The following KCNV2 variants were observed in gnomAD, a reference collection of about 807,000 sequenced individuals.
The protein encoded by KCNV2 is potassium voltage-gated channel subfamily V member 2.
A neutral mutation model predicts 37.0 loss-of-function variants in KCNV2; 65 were observed. The observed-to-expected ratio is 1.76, with a 90% CI of 1.44 to 2.16. The LOEUF (loss-of-function observed/expected upper bound fraction) is 2.16. KCNV2 is among the 30% of genes most tolerant of loss of function. The probability of loss-of-function intolerance (pLI) is 0.00; values close to 1 mark genes in which losing one functional copy is unlikely to be tolerated. For synonymous variants in KCNV2, 518 were observed against 328.6 expected (o/e 1.58, Z -6.23); for missense variants, 1,232 against 766.7 (o/e 1.61, Z -7.17).
At chr9:2,721,599 G>A (rs571793641) in intron 1 of KCNV2, among the ~76,000 whole-genome samples, 7 of 152,306 alleles carry the variant, frequency 4.6e-5, no homozygotes, top group African/African-American at 1.7e-4. Context: ...TGAACAGTAA[G>A]TTTTTGAGCA....
In KCNV2 at chr9:2,718,702, A is replaced by G. The variant is rs2130861520; in HGVS notation, c.963A>G (p.Leu321=). The G allele has an allele frequency of 6.2e-7, 1 of 1,613,180 alleles. No homozygotes were observed. The change falls in exon 1 of 2, where the codon CTA becomes CTG. Residue 321 remains leucine (L), a synonymous_variant. Transcript: ENST00000382082. ...TCACGCTCGAGTACCTGCTGCGCCT[A>G]GCCTCCACGCCCGACCTGAGGCGCT... is the stretch of plus-strand genomic sequence containing the variant. The part of the protein sequence containing the change: ...GFFTLEYLLR[L]ASTPDLRRFA...
chr9:2,717,782 C>A lies in KCNV2; in HGVS notation c.43C>A (p.Pro15Thr). Reference sequence around the variant, plus strand: ...GAGGAGACGGTCCTGGAGCTACAGGCCCTGGAACACGACGGAGAATGAGGG... The same window carrying A: ...GAGGAGACGGTCCTGGAGCTACAGGACCTGGAACACGACGGAGAATGAGGG... ...SERRRSWSYR[P>T]WNTTENEGSQ... Residue 15 changes from proline to threonine, a missense_variant, in exon 1 of 2, where the codon CCC becomes ACC. Pro to Thr is a conservative substitution (Grantham distance 38). Coordinates refer to ENST00000382082, the MANE Select transcript of KCNV2 (RefSeq NM_133497.4). 1 of 1,614,216 alleles carries A rather than the reference C, an allele frequency of 6.2e-7. No individual in the cohort carries two copies. Among genetic ancestry groups the A allele is most frequent in the South Asian group, 1.1e-5 (1 of 91,082 alleles).
intron 1 of KCNV2, among the ~76,000 whole-genome samples, chr9:2,722,236 T>C (rs1483718887): frequency 2.1e-5 from 3 of 142,928 alleles, no homozygotes; most frequent in South Asian, 2.1e-4. Flanking sequence ...TATTTATAAA[T>C]AAATTAGAAG....
chr9:2,728,438 C>A (rs985250680), intron 1 of KCNV2, among the ~76,000 whole-genome samples: 8 of 152,168 alleles, frequency 5.3e-5, no homozygotes, highest in Non-Finnish European at 8.8e-5. Flanking sequence ...AAAAAACAGT[C>A]CCCAAGGAAT....
At position 2,718,334 on chromosome 9, in the gene KCNV2, T is replaced by G. The variant is rs777392338; in HGVS notation, c.595T>G (p.Cys199Gly). 2 of 1,603,814 alleles carry G rather than the reference T, an allele frequency of 1.2e-6. No individual in the cohort carries two copies. Among genetic ancestry groups the G allele is most frequent in the African/African-American group, 1.3e-5 (1 of 74,900 alleles). ...GVRLKYTPRC[C>G]RICFEERRDE... ...GCGGCTCAAGTACACGCCACGCTGC[T>G]GCCGCATCTGCTTCGAGGAGCGGCG... is the stretch of plus-strand genomic sequence containing the variant. The change falls in exon 1 of 2, where the codon TGC (cysteine) becomes GGC (glycine). Residue 199 changes from cysteine (C) to glycine (G), a missense_variant. By Grantham distance (159) the Cys-to-Gly change is radical. Coordinates refer to ENST00000382082, the MANE Select transcript of KCNV2 (RefSeq NM_133497.4).
In KCNV2 at chr9:2,718,611, A is replaced by C. The variant is rs758417708; in HGVS notation, c.872A>C (p.Gln291Pro). 34 of 1,612,992 alleles carry C rather than the reference A, an allele frequency of 2.1e-5. No homozygotes were observed. Among genetic ancestry groups the C allele is most frequent in the South Asian group, 6.6e-5 (6 of 91,080 alleles). ...TVEEMQQHSG[Q>P]GEGGPDLRPI... ...GAGGAGATGCAGCAGCACTCGGGGC[A>C]GGGCGAGGGCGGCCCAGACCTGCGG... The change falls in exon 1 of 2, where the codon CAG becomes CCG. Residue 291 changes from glutamine (Q) to proline (P), a missense_variant. Coordinates refer to ENST00000382082, the MANE Select transcript of KCNV2 (RefSeq NM_133497.4).
At position 2,718,642 on chromosome 9, in the gene KCNV2, C is replaced by T. The variant is rs769997052; in HGVS notation, c.903C>T (p.Ile301=). The T allele has an allele frequency of 5.3e-5, 85 of 1,613,178 alleles. No individual in the cohort carries two copies. The highest frequency in any genetic ancestry group is 3.7e-4 in the Admixed American group (22 of 60,000). Residue 301 remains isoleucine, a synonymous_variant, in exon 1 of 2, where the codon ATC becomes ATT. Transcript: ENST00000382082. The part of the protein sequence containing the change: ...QGEGGPDLRP[I]LEHVEMLCMG... The stretch of plus-strand genomic sequence containing the variant: ...AGGGCGGCCCAGACCTGCGGCCCAT[C>T]CTGGAGCACGTGGAGATGCTGTGCA...
In KCNV2 at chr9:2,718,461, C is replaced by A. The variant is rs765249083; in HGVS notation, c.722C>A (p.Pro241Gln). Residue 241 changes from proline (P) to glutamine (Q), a missense_variant, in exon 1 of 2, where the codon CCG becomes CAG. Coordinates refer to ENST00000382082, the MANE Select transcript of KCNV2 (RefSeq NM_133497.4). ...TTCCGCGACATGCGCTTCTACGGCC[C>A]GCAGCGGCGCCGCCTCTGGAACCTC... ...ELFRDMRFYGPQRRRLWNLME... is the reference protein window; with the variant it reads ...ELFRDMRFYGQQRRRLWNLME... The A allele has an allele frequency of 2.9e-5, 46 of 1,608,230 alleles. No homozygotes were observed. Among genetic ancestry groups the A allele is most frequent in the Non-Finnish European group, 3.9e-5 (46 of 1,178,112 alleles).
intron 1 of KCNV2, among the ~76,000 whole-genome samples, chr9:2,722,333 AT>A (rs1819890338): frequency 7.2e-6 from 1 of 139,650 alleles, no homozygotes; most frequent in Non-Finnish European, 1.5e-5. Flanking sequence ...ATTAGAAGTT[AT>A]TTATAAATAA....
intron 1 of KCNV2, among the ~76,000 whole-genome samples, chr9:2,726,600 C>T (rs1819971224): frequency 6.6e-6 from 1 of 152,152 alleles, no homozygotes; most frequent in Non-Finnish European, 1.5e-5. Context: ...TGTCTTCCTA[C>T]TCTCTCCCAT....
intron 1 of KCNV2, among the ~76,000 whole-genome samples, chr9:2,720,133 AAGT>A (rs1819839545): frequency 6.6e-6 from 1 of 152,224 alleles, no homozygotes; most frequent in Non-Finnish European, 1.5e-5. Context: ...CCATGTCAGA[AAGT>A]AGATATTTTC....
intron 1 of KCNV2, among the ~76,000 whole-genome samples, chr9:2,720,154 T>G (rs1010144322): frequency 6.6e-6 from 1 of 152,244 alleles, no homozygotes; most frequent in African/African-American, 2.4e-5. Context: ...TTCAACATTG[T>G]GTATGTCATA....
Position 2,717,994 on chromosome 9 carries a change from G to A in KCNV2, c.255G>A (p.Lys85=), listed in dbSNP as rs763526364. 1.2e-5 allele frequency: 20 copies of A among 1,614,006 alleles called. No individual in the cohort carries two copies. Among genetic ancestry groups the A allele is most frequent in the Non-Finnish European group, 1.5e-5 (18 of 1,180,008 alleles). ...DQQAGEVTTA[K]PEGPSDPPAL... ...AGGCAGGGGAGGTCACCACCGCCAA[G>A]CCCGAGGGCCCCAGCGACCCTCCGG... Residue 85 remains lysine, a synonymous_variant, in exon 1 of 2, where the codon AAG becomes AAA. Transcript: ENST00000382082.
Position 2,718,486 on chromosome 9 carries a change from C to A in KCNV2, c.747C>A (p.Leu249=), listed in dbSNP as rs1311067924. The change falls in exon 1 of 2, where the codon CTC becomes CTA. Residue 249 remains leucine (L), a synonymous_variant. Coordinates refer to ENST00000382082, the MANE Select transcript of KCNV2 (RefSeq NM_133497.4). ...YGPQRRRLWN[L]MEKPFSSVAA... is the part of the protein sequence containing the mutation. ...CGCAGCGGCGCCGCCTCTGGAACCTCATGGAGAAGCCATTCTCCTCGGTGG... is the reference window on the plus strand; with the variant it reads ...CGCAGCGGCGCCGCCTCTGGAACCTAATGGAGAAGCCATTCTCCTCGGTGG... The A allele has an allele frequency of 1.9e-6, 3 of 1,610,712 alleles. No individual in the cohort carries two copies. The highest frequency in any genetic ancestry group is 1.7e-4 in the Middle Eastern group (1 of 6,050).
rs561533607 is a variant in KCNV2, at chr9:2,717,931, G to A, written c.192G>A (p.Glu64=). 9 of 1,614,190 alleles carry A rather than the reference G, an allele frequency of 5.6e-6. No individual in the cohort carries two copies. The African/African-American group carries it at 6.7e-5, about 12-fold the overall frequency. ...YIEEDEDGEE[E]DQWKDDLAEE... ...AGGAAGACGAAGACGGCGAGGAGGA[G>A]GACCAGTGGAAGGACGACCTGGCAG... The change falls in exon 1 of 2, where the codon GAG becomes GAA. Residue 64 remains glutamate, a synonymous_variant. Transcript: ENST00000382082.
At chr9:2,722,886 T>C (rs968815957) in intron 1 of KCNV2, among the ~76,000 whole-genome samples, 4 of 151,310 alleles carry the variant, frequency 2.6e-5, no homozygotes, top group Non-Finnish European at 4.4e-5. Context: ...CACATGTCGA[T>C]GGCTGTGGCA....
chr9:2,724,269 A>G lies in KCNV2; in HGVS notation c.1356+5174A>G, dbSNP rs118070557. ...CTTTCTTTCCCTAAGGTATGTTTTCATTACCTTGCCAATAGGTGGCACTTA... is the reference window on the plus strand; with the variant it reads ...CTTTCTTTCCCTAAGGTATGTTTTCGTTACCTTGCCAATAGGTGGCACTTA... On this transcript the variant is annotated intron_variant, in intron 1 of 1. Transcript: ENST00000382082. Among the ~76,000 whole-genome samples, 423 of 152,266 alleles carry G rather than the reference A, an allele frequency of 2.8e-3. 2 individuals carry two copies. Among genetic ancestry groups the G allele is most frequent in the Non-Finnish European group, 5.2e-3 (351 of 68,016 alleles).
In KCNV2 at chr9:2,729,568, C is replaced by T. The variant is rs1820029656; in HGVS notation, c.1479C>T (p.Tyr493=). 6.2e-7 allele frequency: 1 copy of T among 1,613,894 alleles called. No homozygotes were observed. Among genetic ancestry groups the T allele is most frequent in the Non-Finnish European group, 8.5e-7 (1 of 1,179,954 alleles). The change falls in exon 2 of 2, where the codon TAC becomes TAT. Residue 493 remains tyrosine, a synonymous_variant. Coordinates refer to ENST00000382082, the MANE Select transcript of KCNV2 (RefSeq NM_133497.4). The part of the protein sequence containing the change: ...ILNGMPISIL[Y]NKFSDYYSKL... ...ACGGGATGCCCATTTCCATCCTCTA[C>T]AACAAGTTTTCTGATTACTACAGCA...
In KCNV2 at chr9:2,718,063, C is replaced by G. The variant is rs760221718; in HGVS notation, c.324C>G (p.Tyr108Ter). Residue 108 changes from tyrosine (Y) to a stop codon, truncating the protein, a stop_gained, in exon 1 of 2, where the codon TAC (tyrosine) becomes TAG (stop). Coordinates refer to ENST00000382082, the MANE Select transcript of KCNV2 (RefSeq NM_133497.4). LOFTEE classifies it high-confidence loss of function. The part of the protein sequence containing the change: ...TLNVNVGGHS[Y>*]QLDYCELAGF... The stretch of plus-strand genomic sequence containing the variant: ...ATGTGAACGTGGGTGGCCACAGCTA[C>G]CAGCTGGACTACTGCGAGCTGGCCG... 6.2e-7 allele frequency: 1 copy of G among 1,606,932 alleles called. No homozygotes were observed. The highest frequency in any genetic ancestry group is 2.2e-5 in the East Asian group (1 of 44,666).
Sources: allele counts gnomAD v4.1 joint callset (sites outside exome capture counted in the v4.1 genomes callset), GRCh38; gene constraint gnomAD v4.1.1; transcripts MANE v1.5; gene names NCBI Gene and HGNC (gene_info 2026-07-23, HGNC 2026-07-21).